Variants in LRRC8B observed in about 807,000 individuals in gnomAD.
The protein encoded by LRRC8B is leucine rich repeat containing 8 VRAC subunit B, also known as volume-regulated anion channel subunit LRRC8B.
Under a neutral mutation model 58.8 loss-of-function variants are expected in LRRC8B, and 23 were observed. The observed-to-expected ratio is 0.39, with a 90% CI of 0.28 to 0.55. LRRC8B has a LOEUF of 0.55. Ranked by LOEUF, LRRC8B falls within the 20% of genes least tolerant of loss-of-function variation. The pLI, the probability that LRRC8B is intolerant of heterozygous loss-of-function variation, is 0.62. For missense variants in LRRC8B, 694 were observed against 936.0 expected (o/e 0.74, Z 3.37); for synonymous variants, 359 against 374.1 (o/e 0.96, Z 0.47).
Position 89,584,703 on chromosome 1 carries a change from G to A in LRRC8B, c.2053G>A (p.Asp685Asn). 4 of 1,613,958 alleles carry A rather than the reference G, an allele frequency of 2.5e-6. No homozygotes were observed. Among genetic ancestry groups the A allele is most frequent in the Non-Finnish European group, 3.4e-6 (4 of 1,179,976 alleles). Residue 685 changes from aspartate (D) to asparagine (N), a missense_variant, in exon 5 of 6, where the codon GAT (aspartate) becomes AAT (asparagine). By Grantham distance (23) the Asp-to-Asn change is conservative. This residue lies in a region of LRRC8B where 139 missense variants were observed against 158.2 expected (regional missense o/e 0.88). Transcript: ENST00000330947. ...LFLCTKLHYL[D>N]LSYNHLTFIP... Reference sequence around the variant, plus strand: ...CCTATGCACTAAACTACATTATTTGGATCTAAGCTATAACCACTTGACCTT... The same window carrying A: ...CCTATGCACTAAACTACATTATTTGAATCTAAGCTATAACCACTTGACCTT...
At chr1:89,576,795 T>C (rs1015807878) in intron 3 of LRRC8B, among the ~76,000 whole-genome samples, 15 of 152,154 alleles carry the variant, frequency 9.9e-5, no homozygotes, top group Non-Finnish European at 2.2e-4. Flanking sequence ...CTAACAAGAT[T>C]TGAAAGAACT....
At chr1:89,558,936 C>T (rs1652395102) in intron 1 of LRRC8B, 1 of 152,202 alleles carries the variant, frequency 6.6e-6, no homozygotes, top group African/African-American at 2.4e-5. Context: ...TAAGCTTCAA[C>T]ATGAATTCTG....
At chr1:89,534,818 A>G (rs144222349) in intron 1 of LRRC8B, among the ~76,000 whole-genome samples, 3,321 of 152,242 alleles carry the variant, frequency 0.022, 52 homozygotes, top group Non-Finnish European at 0.032. Context: ...CGATTTTTCA[A>G]TGTTCTGTTG....
At chr1:89,556,839 A>G (rs967171464) in intron 1 of LRRC8B, among the ~76,000 whole-genome samples, 1 of 152,188 alleles carries the variant, frequency 6.6e-6, no homozygotes, top group African/African-American at 2.4e-5. Context: ...GCTCTTTCAA[A>G]ACAGACTGGT....
At position 89,555,619 on chromosome 1, in the gene LRRC8B, G is replaced by A. The variant is rs562385006; in HGVS notation, c.-240-12628G>A. On this transcript the variant is annotated intron_variant, in intron 1 of 5. Coordinates refer to ENST00000330947, the MANE Select transcript of LRRC8B (RefSeq NM_001369817.2). ...TTGTGATAAATGTTATGAATGGAAG[G>A]GATAGAGAACTACAGGAGCATGTTG... Among the ~76,000 whole-genome samples, 4 of 152,232 alleles carry A rather than the reference G, an allele frequency of 2.6e-5. No individual in the cohort carries two copies. The South Asian group carries it at 8.3e-4, about 32-fold the overall frequency.
chr1:89,569,918 T>C (rs1223367105), intron 3 of LRRC8B, among the ~76,000 whole-genome samples: 2 of 152,184 alleles, frequency 1.3e-5, no homozygotes, highest in African/African-American at 4.8e-5. Flanking sequence ...TGTGTCCATG[T>C]GTTCTCATCA....
intron 3 of LRRC8B, among the ~76,000 whole-genome samples, chr1:89,571,850 G>T (rs1474336186): frequency 6.6e-6 from 1 of 151,868 alleles, no homozygotes. Flanking sequence ...TTTGTACCAT[G>T]TGGCAATGGC....
intron 4 of LRRC8B, among the ~76,000 whole-genome samples, chr1:89,580,289 C>T (rs1654124331): frequency 6.6e-6 from 1 of 152,288 alleles, no homozygotes; most frequent in African/African-American, 2.4e-5. Context: ...TAACCTGTAA[C>T]TGAGCATTGG....
chr1:89,551,556 A>G (rs1239061043), intron 1 of LRRC8B, among the ~76,000 whole-genome samples: 1 of 152,216 alleles, frequency 6.6e-6, no homozygotes, highest in Non-Finnish European at 1.5e-5. Flanking sequence ...TAGAAAATGA[A>G]ATATACTTTC....
intron 4 of LRRC8B, among the ~76,000 whole-genome samples, 176 bp downstream of exon 4, chr1:89,579,864 C>T (rs1488759083): frequency 6.6e-6 from 1 of 152,140 alleles, no homozygotes; most frequent in Non-Finnish European, 1.5e-5. Flanking sequence ...TTTGAGAGGA[C>T]AAATGAAACA....
Position 89,584,704 on chromosome 1 carries a change from A to C in LRRC8B, c.2054A>C (p.Asp685Ala), listed in dbSNP as rs1654500718. Residue 685 changes from aspartate to alanine, a missense_variant, in exon 5 of 6, where the codon GAT becomes GCT. Coordinates refer to ENST00000330947, the MANE Select transcript of LRRC8B (RefSeq NM_001369817.2). Reference sequence around the variant, plus strand: ...CTATGCACTAAACTACATTATTTGGATCTAAGCTATAACCACTTGACCTTC... The same window carrying C: ...CTATGCACTAAACTACATTATTTGGCTCTAAGCTATAACCACTTGACCTTC... ...LFLCTKLHYL[D>A]LSYNHLTFIP... is the part of the protein sequence containing the mutation. 1 of 1,613,868 alleles carries C rather than the reference A, an allele frequency of 6.2e-7. No individual in the cohort carries two copies. The highest frequency in any genetic ancestry group is 1.1e-5 in the South Asian group (1 of 91,072).
intron 3 of LRRC8B, among the ~76,000 whole-genome samples, chr1:89,576,843 T>C (rs1653887337): frequency 6.6e-6 from 1 of 152,208 alleles, no homozygotes; most frequent in Non-Finnish European, 1.5e-5. Context: ...TCAAATGTTA[T>C]TGCCGGTGAT....
rs748780193 is a variant in LRRC8B, at chr1:89,584,503, A to G, written c.1853A>G (p.Asn618Ser). ...NNLHELDLRENNLKTVEEIIS... is the reference protein window; with the variant it reads ...NNLHELDLRESNLKTVEEIIS... ...TTGCATGAGTTAGACCTAAGGGAAAATAACCTTAAAACTGTGGAAGAGATC... is the reference window on the plus strand; with the variant it reads ...TTGCATGAGTTAGACCTAAGGGAAAGTAACCTTAAAACTGTGGAAGAGATC... Residue 618 changes from asparagine to serine, a missense_variant, in exon 5 of 6, where the codon AAT becomes AGT. Physicochemically the swap from Asn to Ser is conservative, Grantham distance 46 (BLOSUM62 1). Around this residue, in one of 5 missense-constraint regions of LRRC8B, gnomAD observed 53 missense variants for 112.3 expected, o/e 0.47. Coordinates refer to ENST00000330947, the MANE Select transcript of LRRC8B (RefSeq NM_001369817.2). The G allele has an allele frequency of 6.2e-7, 1 of 1,614,248 alleles. No homozygotes were observed. Among genetic ancestry groups the G allele is most frequent in the Non-Finnish European group, 8.5e-7 (1 of 1,180,038 alleles).
intron 5 of LRRC8B, among the ~76,000 whole-genome samples, chr1:89,586,478 A>C (rs1316901993): frequency 1.3e-5 from 2 of 152,212 alleles, no homozygotes; most frequent in African/African-American, 4.8e-5. Context: ...TGAAAGTCGG[A>C]GCTTATTCAA....
rs372852212 is a variant in LRRC8B at position 89,582,895 on chromosome 1, A to C, written c.245A>C (p.Asn82Thr). The change falls in exon 5 of 6, where the codon AAT becomes ACT. Residue 82 changes from asparagine to threonine, a missense_variant. By Grantham distance (65) the Asn-to-Thr change is moderately conservative. Transcript: ENST00000330947. ...ILKASMNTSS[N>T]PGTPLPLPLR... is the part of the protein sequence containing the mutation. Reference sequence around the variant, plus strand: ...AAAGCCAGCATGAACACATCCTCTAATCCTGGGACACCGCTTCCGCTCCCC... The same window carrying C: ...AAAGCCAGCATGAACACATCCTCTACTCCTGGGACACCGCTTCCGCTCCCC... The C allele has an allele frequency of 2.2e-5, 36 of 1,613,856 alleles. No homozygotes were observed. The African/African-American group carries it at 4.3e-4, about 19-fold the overall frequency.
intron 5 of LRRC8B, among the ~76,000 whole-genome samples, chr1:89,586,976 C>T (rs1190395761): frequency 2.6e-5 from 4 of 152,112 alleles, no homozygotes; most frequent in African/African-American, 9.7e-5. Context: ...GAATTGTCTA[C>T]AATATTGGTC....
intron 1 of LRRC8B, among the ~76,000 whole-genome samples, chr1:89,562,032 C>A (rs182882234): frequency 6.6e-6 from 1 of 152,178 alleles, no homozygotes; most frequent in Non-Finnish European, 1.5e-5. Context: ...ACGAAAGTCT[C>A]AGGGATATGT....
At chr1:89,537,685 C>G (rs1253558421) in intron 1 of LRRC8B, among the ~76,000 whole-genome samples, 2 of 152,218 alleles carry the variant, frequency 1.3e-5, no homozygotes, top group African/African-American at 4.8e-5. Context: ...GTTGGCCAGC[C>G]TGGTCTCGAA....
At chr1:89,545,355 G>T (rs1651324685) in intron 1 of LRRC8B, among the ~76,000 whole-genome samples, 1 of 152,182 alleles carries the variant, frequency 6.6e-6, no homozygotes, top group Admixed American at 6.5e-5. Context: ...CGACAATTTA[G>T]AGAGGGAGAG....
Sources: allele counts gnomAD v4.1 joint callset (sites outside exome capture counted in the v4.1 genomes callset), GRCh38; gene constraint gnomAD v4.1.1; regional missense constraint gnomAD v4.1.1; transcripts MANE v1.5; gene names NCBI Gene and HGNC (gene_info 2026-07-23, HGNC 2026-07-21).